SORCS2: variants seen among roughly 807,000 people sequenced by gnomAD.
The protein encoded by SORCS2 is sortilin related VPS10 domain containing receptor 2.
Under a neutral mutation model 141.6 loss-of-function variants are expected in SORCS2, and 100 were observed. The observed-to-expected ratio is 0.71, with a 90% confidence interval of 0.60 to 0.83. The LOEUF is 0.83. Among genes scored for constraint, SORCS2 ranks in the 40% least tolerant of loss-of-function variants. The pLI is 0.00. For synonymous variants in SORCS2, 789 were observed against 676.9 expected (o/e 1.17, Z -2.57); for missense variants, 1,646 against 1,560.2 (o/e 1.05, Z -0.93).
intron 3 of SORCS2, among the ~76,000 whole-genome samples, chr4:7,534,390 G>A (rs1711936536): frequency 6.6e-6 from 1 of 152,216 alleles, no homozygotes; most frequent in Non-Finnish European, 1.5e-5. Context: ...TCAAGGGTGG[G>A]CTTGACAGGT....
Position 7,733,082 on chromosome 4 carries a change from C to T in SORCS2, c.3109-240C>T, listed in dbSNP as rs76351697. Among the ~76,000 whole-genome samples, 540 of 150,560 alleles carry T rather than the reference C, an allele frequency of 3.6e-3. 2 individuals are homozygous for T. Among genetic ancestry groups the T allele is most frequent in the East Asian group, 0.012 (59 of 5,032 alleles). ...CCCAGCAGACCTTGCTCCCCTCCCC[C>T]CTAGTGGAGGACACCCCCTCACTCT... is the stretch of plus-strand genomic sequence containing the variant. On this transcript the variant is annotated intron_variant, in intron 23 of 26. Coordinates refer to ENST00000507866, the MANE Select transcript of SORCS2 (RefSeq NM_020777.3).
intron 18 of SORCS2, among the ~76,000 whole-genome samples, chr4:7,720,952 G>A (rs1395737697): frequency 6.6e-6 from 1 of 152,228 alleles, no homozygotes; most frequent in Non-Finnish European, 1.5e-5. Flanking sequence ...AACTCAACAT[G>A]CAACGACCAG....
intron 11 of SORCS2, among the ~76,000 whole-genome samples, chr4:7,690,983 G>A (rs991425577): frequency 6.6e-6 from 1 of 152,196 alleles, no homozygotes; most frequent in African/African-American, 2.4e-5. Flanking sequence ...CCTGTCTGAG[G>A]TCGCTTGGCT....
At chr4:7,301,540 T>C (rs893087862) in intron 1 of SORCS2, among the ~76,000 whole-genome samples, 2 of 152,220 alleles carry the variant, frequency 1.3e-5, no homozygotes. Flanking sequence ...TGGGCCCACA[T>C]TGGCTGGGAG....
intron 1 of SORCS2, among the ~76,000 whole-genome samples, chr4:7,275,938 A>T (rs1715469835): frequency 6.6e-6 from 1 of 152,208 alleles, no homozygotes; most frequent in African/African-American, 2.4e-5. Context: ...AAGAATGCAA[A>T]TGAAGTGCAT....
intron 1 of SORCS2, among the ~76,000 whole-genome samples, chr4:7,257,533 C>T (rs1188689256): frequency 6.6e-6 from 1 of 152,132 alleles, no homozygotes; most frequent in East Asian, 1.9e-4. Context: ...AATAATGCCC[C>T]TTCTCCCTCT....
intron 12 of SORCS2, among the ~76,000 whole-genome samples, chr4:7,699,915 C>A (rs1724951799): frequency 6.6e-6 from 1 of 152,184 alleles, no homozygotes; most frequent in African/African-American, 2.4e-5. Context: ...CGAGCCCCTG[C>A]CCCTCTTGTC....
At chr4:7,454,947 C>G (rs1348313990) in intron 2 of SORCS2, among the ~76,000 whole-genome samples, 3 of 130,768 alleles carry the variant, frequency 2.3e-5, no homozygotes, top group South Asian at 2.7e-4. Flanking sequence ...GGGTCAGGAG[C>G]TGTGTGTTGG....
chr4:7,448,668 GCCTTCCTCCTTCCCTT>G (rs1728173453), intron 2 of SORCS2, among the ~76,000 whole-genome samples: 1 of 122,074 alleles, frequency 8.2e-6, no homozygotes, highest in Non-Finnish European at 1.7e-5. Flanking sequence ...CTCCGTCCCT[GCCTTCCTCCTTCCCTT>G]CCTTCCTCTC....
intron 8 of SORCS2, among the ~76,000 whole-genome samples, chr4:7,669,311 C>T (rs1577921589): frequency 6.6e-6 from 1 of 152,188 alleles, no homozygotes; most frequent in Non-Finnish European, 1.5e-5. Context: ...CCTCAGGGGT[C>T]CATGCACAGG....
At position 7,338,412 on chromosome 4, in the gene SORCS2, T is replaced by C. The variant is rs1393059107; in HGVS notation, c.481-57876T>C. On this transcript the variant is annotated intron_variant, in intron 1 of 26. Transcript: ENST00000507866. ...GGATGGATGGATGGTTGGATGTCGG[T>C]TGGATGGAAGGATGGATGGATGGAT... Among the ~76,000 whole-genome samples, 5 of 72,344 alleles carry C rather than the reference T, an allele frequency of 6.9e-5. No homozygotes were observed. In the South Asian group the frequency reaches 1.7e-3, roughly 25 times the overall value. 47.5% of individuals were successfully genotyped at this position (72,344 alleles called of 152,430 possible).
At chr4:7,729,913 G>A (rs530972775) in intron 23 of SORCS2, among the ~76,000 whole-genome samples, 16 of 152,268 alleles carry the variant, frequency 1.1e-4, no homozygotes, top group South Asian at 8.3e-4. Flanking sequence ...AGGTCACTGC[G>A]GCAGAGGTAG....
At chr4:7,349,503 C>T (rs1053870754) in intron 1 of SORCS2, among the ~76,000 whole-genome samples, 1 of 152,042 alleles carries the variant, frequency 6.6e-6, no homozygotes, top group Non-Finnish European at 1.5e-5. Context: ...GTCACCGGGT[C>T]ATGGGGCAGG....
chr4:7,301,059 T>C (rs936492712), intron 1 of SORCS2, among the ~76,000 whole-genome samples: 1 of 152,140 alleles, frequency 6.6e-6, no homozygotes, highest in Non-Finnish European at 1.5e-5. Context: ...TTTAGCAGCA[T>C]CTCCGTGGGC....
intron 1 of SORCS2, among the ~76,000 whole-genome samples, chr4:7,314,839 GTTGTTT>G (rs1718459126): frequency 9.3e-6 from 1 of 107,898 alleles, no homozygotes; most frequent in African/African-American, 3.6e-5. Context: ...TATTGTTGTT[GTTGTTT>G]TTGTTGTTGT....
At chr4:7,487,493 A>G (rs1293576153) in intron 2 of SORCS2, among the ~76,000 whole-genome samples, 3 of 152,194 alleles carry the variant, frequency 2.0e-5, no homozygotes, top group Non-Finnish European at 4.4e-5. Context: ...TGTTGAATGC[A>G]ATGTAAATTG....
intron 1 of SORCS2, among the ~76,000 whole-genome samples, chr4:7,265,370 G>A (rs146640522): frequency 0.017 from 2,533 of 152,216 alleles, 79 homozygotes; most frequent in African/African-American, 0.057. Flanking sequence ...GTGTGCCTGT[G>A]GTCCCAGCTA....
chr4:7,216,848 C>T (rs1728382559), intron 1 of SORCS2, among the ~76,000 whole-genome samples: 3 of 152,276 alleles, frequency 2.0e-5, no homozygotes, highest in South Asian at 4.1e-4. Context: ...GCCTGCCCTG[C>T]CCTCGAGCCG....
At chr4:7,427,947 G>A (rs1726570948) in intron 2 of SORCS2, among the ~76,000 whole-genome samples, 1 of 152,110 alleles carries the variant, frequency 6.6e-6, no homozygotes, top group Admixed American at 6.5e-5. Context: ...CACCCCTGAG[G>A]GCGGGGGGAT....
Sources: allele counts gnomAD v4.1 joint callset (sites outside exome capture counted in the v4.1 genomes callset), GRCh38; gene constraint gnomAD v4.1.1; transcripts MANE v1.5; gene names NCBI Gene and HGNC (gene_info 2026-07-23, HGNC 2026-07-21).